The following RHOT1 variants were observed in gnomAD, a reference collection of about 807,000 sequenced individuals.
RHOT1 encodes ras homolog family member T1.
RHOT1 carries 27 observed loss-of-function variants against 95.3 expected under a neutral mutation model. That is an observed-to-expected ratio of 0.28 (90% CI 0.21 to 0.39). The LOEUF is 0.39. Ranked by LOEUF, RHOT1 falls within the 10% of genes least tolerant of loss-of-function variation. The pLI is 1.00. For synonymous variants in RHOT1, 227 were observed against 263.5 expected, an observed-to-expected ratio of 0.86 and a Z score of 1.34; for missense variants, 578 against 786.7, an observed-to-expected ratio of 0.73 and a Z score of 3.17.
At chr17:32,193,771 C>T (rs539723795) in intron 10 of RHOT1, among the ~76,000 whole-genome samples, 2 of 152,294 alleles carry the variant, frequency 1.3e-5, no homozygotes, top group South Asian at 4.1e-4. Context: ...TTGGCCATTT[C>T]CTCTAGTGCT....
At chr17:32,163,735 A>G (rs1056391066) in intron 1 of RHOT1, among the ~76,000 whole-genome samples, 5 of 152,076 alleles carry the variant, frequency 3.3e-5, no homozygotes, top group Non-Finnish European at 7.4e-5. Context: ...ATCTCAAAAA[A>G]AAAGAAAGGG....
intron 1 of RHOT1, among the ~76,000 whole-genome samples, chr17:32,169,638 C>G (rs1207814680): frequency 6.6e-6 from 1 of 152,144 alleles, no homozygotes; most frequent in Non-Finnish European, 1.5e-5. Context: ...TAAAAAAGAT[C>G]TTGTGCACTA....
chr17:32,145,724 C>T (rs2031216993), intron 1 of RHOT1, among the ~76,000 whole-genome samples: 1 of 152,072 alleles, frequency 6.6e-6, no homozygotes, highest in South Asian at 2.1e-4. Context: ...CCTTAAAAAT[C>T]ATCTAATGAG....
rs543777411 is a variant in RHOT1 at position 32,185,173 on chromosome 17, C to T, written c.540+1901C>T. ...TTGCCCAGGCTGGAGTGCAATGGTG[C>T]GATCTCTGTGCACCACAACCTCCGC... On this transcript the variant is annotated intron_variant, in intron 8 of 19. Coordinates refer to ENST00000545287, the MANE Select transcript of RHOT1 (RefSeq NM_001033566.3). Among the ~76,000 whole-genome samples the T allele has an allele frequency of 5.3e-5, 8 of 152,006 alleles. No homozygotes were observed. In the East Asian group the frequency reaches 5.8e-4, roughly 11 times the overall value.
At chr17:32,224,464 G>T in intron 19 of RHOT1, 152 bp from the exon 20 acceptor site, 1 of 468,454 alleles carries the variant, frequency 2.1e-6, no homozygotes, top group Non-Finnish European at 3.8e-6. Flanking sequence ...TATATATATG[G>T]CTATATTGAT....
intron 6 of RHOT1, among the ~76,000 whole-genome samples, chr17:32,181,441 C>G (rs2035626428): frequency 6.6e-6 from 1 of 152,138 alleles, no homozygotes; most frequent in South Asian, 2.1e-4. Flanking sequence ...CTGTTTCTGT[C>G]TTATAAAATA....
At position 32,207,016 on chromosome 17, in the gene RHOT1, C is replaced by T; in HGVS notation, c.1523C>T (p.Ala508Val). 1.2e-6 allele frequency: 2 copies of T among 1,609,044 alleles called. No homozygotes were observed. Among genetic ancestry groups the T allele is most frequent in the Non-Finnish European group, 1.7e-6 (2 of 1,178,246 alleles). ...AATCCCAAATCCTTTGAATACTGTG[C>T]CAGGATTTTTAAGGTTTGTTGCTCC... ...VSNPKSFEYC[A>V]RIFKQHFMDS... The change falls in exon 17 of 20, where the codon GCC becomes GTC. Residue 508 changes from alanine to valine, a missense_variant. Around this residue, in one of 4 missense-constraint regions of RHOT1, gnomAD observed 296 missense variants for 338.5 expected, o/e 0.87. Transcript: ENST00000545287.
chr17:32,144,590 G>C (rs1409842065), intron 1 of RHOT1, among the ~76,000 whole-genome samples: 2 of 152,082 alleles, frequency 1.3e-5, no homozygotes, highest in African/African-American at 4.8e-5. Flanking sequence ...GCTTATACCT[G>C]TATTCCAAGC....
chr17:32,206,791 T>C, intron 16 of RHOT1, 119 bp from the exon 17 acceptor site: 1 of 755,532 alleles, frequency 1.3e-6, no homozygotes, highest in Non-Finnish European at 2.1e-6. Flanking sequence ...GCCTGAAAAG[T>C]TATGCTTAAC....
At chr17:32,220,570 C>G (rs2038767193) in intron 19 of RHOT1, among the ~76,000 whole-genome samples, 1 of 151,886 alleles carries the variant, frequency 6.6e-6, no homozygotes, top group African/African-American at 2.4e-5. Context: ...CACAGTGGCT[C>G]ACTCCTGTAA....
rs1462387471 is a variant in RHOT1, at chr17:32,179,897, A to G, written c.330-2860A>G. The G allele has an allele frequency of 9.1e-4, 111 of 121,820 alleles. 1 individual carries two copies. Among genetic ancestry groups the G allele is most frequent in the African/African-American group, 3.5e-3 (96 of 27,624 alleles). The allele number at this position is 121,820 out of a possible 1,614,324, so 7.5% of individuals were successfully genotyped here. A position where few individuals can be genotyped will look rare whatever the true frequency, so the allele number is the denominator to read the frequency against. ...AAATGGGAAGCGCCTCTGCCCGGCC[A>G]CCCCATCTGGGAAGTGAGGAGCGCC... On this transcript the variant is annotated intron_variant, in intron 6 of 19. Coordinates refer to ENST00000545287, the MANE Select transcript of RHOT1 (RefSeq NM_001033566.3).
At chr17:32,145,564 T>G (rs2031190641) in intron 1 of RHOT1, among the ~76,000 whole-genome samples, 1 of 152,222 alleles carries the variant, frequency 6.6e-6, no homozygotes, top group African/African-American at 2.4e-5. Flanking sequence ...TAACCAGTCT[T>G]TCTGCTCCTG....
At chr17:32,192,889 C>T (rs1419578233) in intron 9 of RHOT1, among the ~76,000 whole-genome samples, 1 of 151,984 alleles carries the variant, frequency 6.6e-6, no homozygotes, top group Non-Finnish European at 1.5e-5. Context: ...CCAGGGTGGA[C>T]TCGATCTCCT....
intron 1 of RHOT1, chr17:32,150,887 TG>T: frequency 1.3e-6 from 2 of 1,541,112 alleles, no homozygotes; most frequent in Admixed American, 1.8e-5. Flanking sequence ...GCATAAGCAC[TG>T]GGGGATGTTC....
intron 8 of RHOT1, among the ~76,000 whole-genome samples, chr17:32,186,007 C>G (rs1370952638): frequency 6.6e-6 from 1 of 152,148 alleles, no homozygotes; most frequent in African/African-American, 2.4e-5. Context: ...CAGGCATGAC[C>G]CAACACTCCT....
chr17:32,151,294 C>T, intron 1 of RHOT1: 1 of 658,836 alleles, frequency 1.5e-6, no homozygotes, highest in Non-Finnish European at 2.9e-6. Flanking sequence ...TTGCTGTAGT[C>T]CCAGATACTT....
chr17:32,207,652 T>G (rs2037850119), intron 17 of RHOT1: 1 of 153,566 alleles, frequency 6.5e-6, no homozygotes, highest in Admixed American at 6.5e-5. Context: ...AGTTTTGAAT[T>G]CTGAAGAATA....
rs540717262 is a variant in RHOT1, at chr17:32,151,684, C to T, written c.37+8955C>T. Among the ~76,000 whole-genome samples, 9 of 152,064 alleles carry T rather than the reference C, an allele frequency of 5.9e-5. No homozygotes were observed. In the South Asian group the frequency reaches 1.9e-3, roughly 32 times the overall value. ...GATCACGAGGTCAGGAGTTCAAGAC[C>T]AGCCTGGCCAACATAGTGAAACCCC... is the stretch of plus-strand genomic sequence containing the variant. On this transcript the variant is annotated intron_variant, in intron 1 of 19. Transcript: ENST00000545287.
chr17:32,190,696 T>C (rs1228667235), intron 8 of RHOT1, among the ~76,000 whole-genome samples: 1 of 152,240 alleles, frequency 6.6e-6, no homozygotes, highest in African/African-American at 2.4e-5. Context: ...ATCACATTTA[T>C]AGAAGCATTA....
Sources: allele counts gnomAD v4.1 joint callset (sites outside exome capture counted in the v4.1 genomes callset), GRCh38; gene constraint gnomAD v4.1.1; regional missense constraint gnomAD v4.1.1; transcripts MANE v1.5; gene names NCBI Gene and HGNC (gene_info 2026-07-23, HGNC 2026-07-21).